The following TRIM2 variants were observed in gnomAD, a reference collection of about 807,000 sequenced individuals.
TRIM2 encodes tripartite motif-containing protein 2.
A neutral mutation model predicts 75.2 loss-of-function variants in TRIM2; 20 were observed. That is an observed-to-expected ratio of 0.27 (90% confidence interval 0.19 to 0.39). TRIM2 has a LOEUF of 0.39. Among genes scored for constraint, TRIM2 ranks in the 10% least tolerant of loss-of-function variants. TRIM2 has a pLI of 1.00. For missense variants in TRIM2, 660 were observed against 990.8 expected (o/e 0.67, Z 4.48); for synonymous variants, 373 against 388.3 (o/e 0.96, Z 0.46).
In TRIM2 at chr4:153,194,051, C is replaced by T. The variant is rs142591631; in HGVS notation, c.-49+40781C>T. Among the ~76,000 whole-genome samples the T allele has an allele frequency of 5.1e-3, 778 of 152,232 alleles. 7 individuals are homozygous for T. The highest frequency in any genetic ancestry group is 0.017 in the Middle Eastern group (5 of 294). On this transcript the variant is annotated intron_variant, in intron 1 of 11. Transcript: ENST00000437508. ...GATGGCCCCCAGGGACCCTTCACTACGGCCTGGAATTCAGGAGCCAGCATC... is the reference window on the plus strand; with the variant it reads ...GATGGCCCCCAGGGACCCTTCACTATGGCCTGGAATTCAGGAGCCAGCATC...
In TRIM2 at chr4:153,336,341, T is replaced by G. The variant is rs1772440801; in HGVS notation, c.*1375T>G. ...CTTTTAGTCAGAAAATGGCCTTCTG[T>G]GCTTTCAAAAAAAAAAACAAAAAAA... On this transcript the variant is annotated 3_prime_UTR_variant, in exon 12 of 12. Coordinates refer to ENST00000338700, the MANE Select transcript of TRIM2 (RefSeq NM_015271.5). The G allele has an allele frequency of 2.1e-6, 2 of 956,028 alleles. No homozygotes were observed. The highest frequency in any genetic ancestry group is 2.4e-6 in the Non-Finnish European group (2 of 823,036). The allele number at this position is 956,028 out of a possible 1,614,324, so 59.2% of individuals were successfully genotyped here. A position where few individuals can be genotyped will look rare whatever the true frequency, so the allele number is the denominator to read the frequency against.
upstream of TRIM2, among the ~76,000 whole-genome samples, chr4:153,200,724 A>AAATATAT (rs1405991305): frequency 7.2e-6 from 1 of 138,144 alleles, no homozygotes; most frequent in African/African-American, 2.7e-5. Context: ...AAGAAAAAAA[A>AAATATAT]ATATATATAT....
At chr4:153,191,613 A>G (rs1436696716) in intron 1 of TRIM2, among the ~76,000 whole-genome samples, 1 of 152,254 alleles carries the variant, frequency 6.6e-6, no homozygotes, top group Middle Eastern at 3.2e-3. Context: ...CTTAGGCACA[A>G]TTCTGGAGAG....
chr4:153,288,734 A>G (rs1165605828), intron 3 of TRIM2, among the ~76,000 whole-genome samples: 1 of 149,388 alleles, frequency 6.7e-6, no homozygotes, highest in Non-Finnish European at 1.5e-5. Context: ...GGTACACTTG[A>G]TGGTGTCCCA....
intron 1 of TRIM2, among the ~76,000 whole-genome samples, chr4:153,171,152 C>T (rs1288515448): frequency 3.3e-5 from 5 of 152,144 alleles, no homozygotes; most frequent in South Asian, 2.1e-4. Flanking sequence ...GAAGGGTCAG[C>T]GTTTTCCATG....
intron 1 of TRIM2, among the ~76,000 whole-genome samples, chr4:153,255,289 G>A (rs561376145): frequency 2.0e-5 from 3 of 152,290 alleles, no homozygotes; most frequent in Admixed American, 2.0e-4. Context: ...TCCTCTGGCT[G>A]GAAGCCCAGC....
chr4:153,316,895 T>TTTTG, intron 8 of TRIM2, among the ~76,000 whole-genome samples: 1 of 141,212 alleles, frequency 7.1e-6, no homozygotes, highest in African/African-American at 2.7e-5. Flanking sequence ...TTTTTTTTTT[T>TTTTG]TTTGAGACGG....
At position 153,337,992 on chromosome 4, in the gene TRIM2, T is replaced by G. The variant is rs1772647542; in HGVS notation, c.*3026T>G. ...CAAGTCCTTTATGACTGTTTGCCAT[T>G]TTTTTTAATGGTACTTAGTATTTTG... On this transcript the variant is annotated 3_prime_UTR_variant, in exon 12 of 12. Transcript: ENST00000338700. 1.0e-6 allele frequency: 1 copy of G among 985,724 alleles called. No individual in the cohort carries two copies. The highest frequency in any genetic ancestry group is 1.2e-6 in the Non-Finnish European group (1 of 829,884). The allele number at this position is 985,724 out of a possible 1,614,324, so 61.1% of individuals were successfully genotyped here. A position where few individuals can be genotyped will look rare whatever the true frequency, so the allele number is the denominator to read the frequency against.
At chr4:153,184,063 T>A (rs1297033426) in intron 1 of TRIM2, among the ~76,000 whole-genome samples, 1 of 152,186 alleles carries the variant, frequency 6.6e-6, no homozygotes, top group Non-Finnish European at 1.5e-5. Flanking sequence ...TGCATGGGGA[T>A]GAGCTTCCTG....
intron 10 of TRIM2, among the ~76,000 whole-genome samples, chr4:153,325,943 T>C (rs1770073281): frequency 6.6e-6 from 1 of 152,220 alleles, no homozygotes; most frequent in Non-Finnish European, 1.5e-5. Context: ...CAGGTAGCAC[T>C]AAATAGTTTC....
In TRIM2 at chr4:153,270,508, T is replaced by C; in HGVS notation, c.204T>C (p.Thr68=). 1.2e-6 allele frequency: 2 copies of C among 1,608,294 alleles called. No individual in the cohort carries two copies. The highest frequency in any genetic ancestry group is 8.5e-7 in the Non-Finnish European group (1 of 1,177,152). The part of the protein sequence containing the change: ...KNPKVLPCLH[T]FCERCLQNYI... ...CCAAGGTTCTCCCCTGTCTGCACACTTTCTGCGAGAGGTAAGCCTCCTTTG... is the reference window on the plus strand; with the variant it reads ...CCAAGGTTCTCCCCTGTCTGCACACCTTCTGCGAGAGGTAAGCCTCCTTTG... Residue 68 remains threonine (T), a synonymous_variant, in exon 2 of 12, where the codon ACT becomes ACC. Transcript: ENST00000338700.
intron 6 of TRIM2, among the ~76,000 whole-genome samples, chr4:153,298,814 G>A (rs1763271640): frequency 6.6e-6 from 1 of 152,112 alleles, no homozygotes; most frequent in East Asian, 1.9e-4. Context: ...GCTCATTGTA[G>A]CCTCTACCTC....
At chr4:153,226,155 G>T (rs995296704) in intron 1 of TRIM2, among the ~76,000 whole-genome samples, 3 of 152,170 alleles carry the variant, frequency 2.0e-5, no homozygotes, top group Admixed American at 6.5e-5. Context: ...ATAGGCTCGA[G>T]CCACTGTGCC....
intron 8 of TRIM2, among the ~76,000 whole-genome samples, chr4:153,319,623 G>T (rs1040980970): frequency 6.6e-6 from 1 of 151,994 alleles, no homozygotes; most frequent in African/African-American, 2.4e-5. Flanking sequence ...CCAGCTACTC[G>T]GGAGGCTGAG....
rs200342579 is a variant in TRIM2, at chr4:153,264,954, CTT to C, written c.31-5380_31-5379del. On this transcript the variant is annotated intron_variant, in intron 1 of 11. Transcript: ENST00000338700. ...TTTTAAATTAGTGTTAAGGAGTAAA[CTT>C]AATTAATTTACCATGCAAATTAACA... 4.6e-5 allele frequency among the ~76,000 whole-genome samples: 7 copies of C among 152,270 alleles called. No individual in the cohort carries two copies. The East Asian group carries it at 7.7e-4, about 17-fold the overall frequency.
chr4:153,152,415 T>TATATACATATAC (rs1728814937), upstream of TRIM2: 5 of 144,294 alleles, frequency 3.5e-5, no homozygotes, highest in Admixed American at 6.9e-5. Context: ...TGTGTATATA[T>TATATACATATAC]ATATATATAT....
chr4:153,321,648 G>A lies in TRIM2; in HGVS notation c.1783-1000G>A, dbSNP rs1042421611. Among the ~76,000 whole-genome samples, 28 of 152,250 alleles carry A rather than the reference G, an allele frequency of 1.8e-4. 1 individual carries two copies. Among genetic ancestry groups the A allele is most frequent in the African/African-American group, 4.8e-4 (20 of 41,530 alleles). On this transcript the variant is annotated intron_variant, in intron 8 of 11. Transcript: ENST00000338700. ...TTGAATATTTATTATGCACCAAGAAGTGTGTTGCCCCTGAGTACACAATGG... is the reference window on the plus strand; with the variant it reads ...TTGAATATTTATTATGCACCAAGAAATGTGTTGCCCCTGAGTACACAATGG...
Position 153,337,143 on chromosome 4 carries a change from A to G in TRIM2, c.*2177A>G. On this transcript the variant is annotated 3_prime_UTR_variant, in exon 12 of 12. Transcript: ENST00000338700. Reference sequence around the variant, plus strand: ...CAAAAGACAGGCTAGACTCTTGTCTAGATTGTTTAAAAGAAACTTTTCAAA... The same window carrying G: ...CAAAAGACAGGCTAGACTCTTGTCTGGATTGTTTAAAAGAAACTTTTCAAA... 1 of 985,444 alleles carries G rather than the reference A, an allele frequency of 1.0e-6. No individual in the cohort carries two copies. The highest frequency in any genetic ancestry group is 1.2e-6 in the Non-Finnish European group (1 of 829,930). 61.0% of individuals were successfully genotyped at this position (985,444 alleles called of 1,614,324 possible).
At chr4:153,229,301 T>G (rs969589747) in intron 1 of TRIM2, among the ~76,000 whole-genome samples, 1 of 152,250 alleles carries the variant, frequency 6.6e-6, no homozygotes, top group Non-Finnish European at 1.5e-5. Context: ...TCTCACACTG[T>G]CACTCAGGCT....
Sources: allele counts gnomAD v4.1 joint callset (sites outside exome capture counted in the v4.1 genomes callset), GRCh38; gene constraint gnomAD v4.1.1; transcripts MANE v1.5; gene names NCBI Gene and HGNC (gene_info 2026-07-23, HGNC 2026-07-21).